The following TEX14 variants were observed in gnomAD, a reference collection of about 807,000 sequenced individuals.
TEX14 encodes inactive serine/threonine-protein kinase TEX14.
Under a neutral mutation model 178.6 loss-of-function variants are expected in TEX14, and 168 were observed. The observed-to-expected ratio is 0.94, with a 90% CI of 0.83 to 1.07. The LOEUF is 1.07. TEX14 is among the 50% of genes least tolerant of loss of function. The probability of loss-of-function intolerance (pLI) is 0.00; values close to 1 mark genes in which losing one functional copy is unlikely to be tolerated. For missense variants in TEX14, 1,730 were observed against 1,753.6 expected, an observed-to-expected ratio of 0.99 and a Z score of 0.24; for synonymous variants, 626 against 634.1, an observed-to-expected ratio of 0.99 and a Z score of 0.19.
At chr17:58,576,495 A>G (rs756050172) in intron 21 of TEX14, among the ~76,000 whole-genome samples, 1 of 152,194 alleles carries the variant, frequency 6.6e-6, no homozygotes, top group Non-Finnish European at 1.5e-5. Flanking sequence ...TCACACAACA[A>G]GAGTGAAATT....
rs200277730 is a variant in TEX14, at chr17:58,673,739, C to CT, written c.-2+18199dup. Among the ~76,000 whole-genome samples, 673 of 151,400 alleles carry CT rather than the reference C, an allele frequency of 4.4e-3. 2 individuals are homozygous for CT. Among genetic ancestry groups the CT allele is most frequent in the Middle Eastern group, 6.8e-3 (2 of 294 alleles). On this transcript the variant is annotated intron_variant, in intron 1 of 31. Transcript: ENST00000349033. ...ACCATGCCCAGCTAATTTTTTCAATCTTTTTTTTGTTTTTCTACAGTTGGG... is the reference window on the plus strand; with the variant it reads ...ACCATGCCCAGCTAATTTTTTCAATCTTTTTTTTTGTTTTTCTACAGTTGGG...
At chr17:58,560,372 G>A (rs751474623) in intron 29 of TEX14, among the ~76,000 whole-genome samples, 1 of 152,174 alleles carries the variant, frequency 6.6e-6, no homozygotes, top group Non-Finnish European at 1.5e-5. Flanking sequence ...GTTGGAGGAG[G>A]CCTTTGGGTT....
intron 2 of TEX14, among the ~76,000 whole-genome samples, chr17:58,640,644 T>TGA (rs150602548): frequency 0.075 from 10,996 of 146,960 alleles, 806 homozygotes; most frequent in African/African-American, 0.19. Context: ...TGTGTGTGTG[T>TGA]GAGAGAGAGA....
intron 15 of TEX14, among the ~76,000 whole-genome samples, chr17:58,592,142 CA>C (rs919922683): frequency 2.7e-5 from 4 of 150,756 alleles, no homozygotes; most frequent in East Asian, 1.9e-4. Flanking sequence ...AAATTTAAAC[CA>C]AAAAAAATTT....
chr17:58,619,907 A>G (rs1163680709), intron 5 of TEX14, among the ~76,000 whole-genome samples: 1 of 151,916 alleles, frequency 6.6e-6, no homozygotes, highest in Non-Finnish European at 1.5e-5. Flanking sequence ...CTGTATCTAG[A>G]TGAGTAACTA....
chr17:58,604,781 G>C (rs568198557), intron 11 of TEX14, among the ~76,000 whole-genome samples, 197 bp downstream of exon 11: 1 of 152,084 alleles, frequency 6.6e-6, no homozygotes, highest in South Asian at 2.1e-4. Context: ...GGCTCGTCTT[G>C]AACTCCTGAC....
chr17:58,583,750 TG>T (rs1430103253), intron 19 of TEX14, among the ~76,000 whole-genome samples: 1 of 152,214 alleles, frequency 6.6e-6, no homozygotes, highest in Non-Finnish European at 1.5e-5. Flanking sequence ...TCAGCCAGTA[TG>T]GTTAATATGA....
intron 1 of TEX14, among the ~76,000 whole-genome samples, chr17:58,682,466 G>C (rs542356835): frequency 2.0e-5 from 3 of 151,648 alleles, no homozygotes; most frequent in African/African-American, 7.3e-5. Context: ...CCATGTTGGC[G>C]AGGCTGGTCT....
chr17:58,630,840 A>T (rs1289825227), intron 2 of TEX14, among the ~76,000 whole-genome samples: 3 of 152,164 alleles, frequency 2.0e-5, no homozygotes, highest in Non-Finnish European at 4.4e-5. Context: ...CAATCATGGG[A>T]AAGGATGAGG....
At chr17:58,659,234 ATAGTAAAAACCC>A in intron 1 of TEX14, 1 of 528,544 alleles carries the variant, frequency 1.9e-6, no homozygotes, top group Non-Finnish European at 2.3e-6. Flanking sequence ...GAGCAAACAC[ATAGTAAAAACCC>A]TCCCCCAAGA....
chr17:58,572,183 T>C (rs1310870340), intron 23 of TEX14, 57 bp from the exon 24 acceptor site: 3 of 1,341,756 alleles, frequency 2.2e-6, no homozygotes, highest in African/African-American at 1.5e-5. Flanking sequence ...TTCTCCTTTT[T>C]TCCTTTTTCC....
intron 2 of TEX14, among the ~76,000 whole-genome samples, chr17:58,634,200 G>T (rs1207643531): frequency 6.6e-6 from 1 of 151,948 alleles, no homozygotes; most frequent in Admixed American, 6.6e-5. Context: ...ATCACTTGAG[G>T]CCAAGAGTTC....
chr17:58,665,997 C>T (rs555391497), intron 1 of TEX14, among the ~76,000 whole-genome samples: 14 of 149,956 alleles, frequency 9.3e-5, no homozygotes, highest in Admixed American at 2.7e-4. Flanking sequence ...TGCAGTGAGC[C>T]GAGATTGTGC....
At chr17:58,593,473 TAAG>T (rs759739653) in intron 15 of TEX14, 79 bp downstream of exon 15, 64 of 1,046,306 alleles carry the variant, frequency 6.1e-5, no homozygotes, top group African/African-American at 1.1e-4. Flanking sequence ...TCACTAGACA[TAAG>T]AAGATCACTG....
chr17:58,627,253 G>A (rs539307782), intron 3 of TEX14, among the ~76,000 whole-genome samples: 1 of 152,238 alleles, frequency 6.6e-6, no homozygotes, highest in East Asian at 1.9e-4. Context: ...GGTTTGAATG[G>A]TTTGATCTTT....
At position 58,569,136 on chromosome 17, in the gene TEX14, G is replaced by A. The variant is rs2044465782; in HGVS notation, c.3886+56C>T. 1.4e-6 allele frequency: 2 copies of A among 1,386,154 alleles called. No homozygotes were observed. Among genetic ancestry groups the A allele is most frequent in the Non-Finnish European group, 1.0e-6 (1 of 976,006 alleles). The allele number at this position is 1,386,154 out of a possible 1,614,324, so 85.9% of individuals were successfully genotyped here. A position where few individuals can be genotyped will look rare whatever the true frequency, so the allele number is the denominator to read the frequency against. ...CTTGAGACAAAGACACCATACTGTG[G>A]TCAGTGACATAACTAACAGGGCCGA... On this transcript the variant is annotated intron_variant, in intron 26 of 31. Coordinates refer to ENST00000349033, the MANE Select transcript of TEX14 (RefSeq NM_031272.5). The surrounding 1 kb of genome is among the most constrained non-coding windows in gnomAD (Gnocchi z 4.1).
intron 14 of TEX14, among the ~76,000 whole-genome samples, chr17:58,595,129 A>C (rs981318182): frequency 1.3e-5 from 2 of 152,238 alleles, no homozygotes; most frequent in Admixed American, 1.3e-4. Flanking sequence ...GAATATGTTT[A>C]GAATATAATC....
chr17:58,573,123 G>GA, intron 23 of TEX14, 58 bp downstream of exon 23: 1 of 1,595,702 alleles, frequency 6.3e-7, no homozygotes, highest in Middle Eastern at 1.7e-4. Context: ...GCTTCCCAGA[G>GA]ACAATGGGCT....
intron 19 of TEX14, among the ~76,000 whole-genome samples, chr17:58,583,124 T>C (rs1475820758): frequency 6.6e-6 from 1 of 151,620 alleles, no homozygotes; most frequent in East Asian, 2.0e-4. Context: ...GTGCACACTA[T>C]CATGCCTGAC....
Sources: allele counts gnomAD v4.1 joint callset (sites outside exome capture counted in the v4.1 genomes callset), GRCh38; gene constraint gnomAD v4.1.1; non-coding constraint Gnocchi (gnomAD v3.1); transcripts MANE v1.5; gene names NCBI Gene and HGNC (gene_info 2026-07-23, HGNC 2026-07-21).